The following DLX6 variants were observed in gnomAD, a reference collection of about 807,000 sequenced individuals.
The protein encoded by DLX6 is distal-less homeobox 6.
A neutral mutation model predicts 33.5 loss-of-function variants in DLX6; 4 were observed. That is an observed-to-expected ratio of 0.12 (90% CI 0.06 to 0.27). DLX6 has a LOEUF of 0.27. Ranked by LOEUF, DLX6 falls within the 10% of genes least tolerant of loss-of-function variation. The pLI is 1.00. For missense variants in DLX6, 382 were observed against 393.3 expected, an observed-to-expected ratio of 0.97 and a Z score of 0.24; for synonymous variants, 184 against 164.8, an observed-to-expected ratio of 1.12 and a Z score of -0.89.
At position 97,006,339 on chromosome 7, in the gene DLX6, A is replaced by T; in HGVS notation, c.362A>T (p.His121Leu). Residue 121 changes from histidine (H) to leucine (L), a missense_variant, in exon 1 of 3, where the codon CAC (histidine) becomes CTC (leucine). By Grantham distance (99) the His-to-Leu change is moderately conservative. Coordinates refer to ENST00000518156, the MANE Select transcript of DLX6 (RefSeq NM_005222.4). ...RSLAAYPYMSHSQHSPYLQSY... is the reference protein window; with the variant it reads ...RSLAAYPYMSLSQHSPYLQSY... ...CTCGCCGCCTACCCCTACATGAGCC[A>T]CTCGCAGCACAGCCCTTACCTCCAG... 2.0e-6 allele frequency: 3 copies of T among 1,508,002 alleles called. No homozygotes were observed. The highest frequency in any genetic ancestry group is 2.7e-6 in the Non-Finnish European group (3 of 1,124,632). 93.4% of individuals were successfully genotyped at this position (1,508,002 alleles called of 1,614,324 possible).
At position 97,007,741 on chromosome 7, in the gene DLX6, G is replaced by A; in HGVS notation, c.540G>A (p.Gln180=). 1.2e-6 allele frequency: 2 copies of A among 1,612,594 alleles called. No homozygotes were observed. The highest frequency in any genetic ancestry group is 1.7e-6 in the Non-Finnish European group (2 of 1,179,292). ...PRTIYSSLQL[Q]ALNHRFQQTQ... ...CCATTTATTCCAGCCTGCAGCTCCA[G>A]GCTTTAAACCATCGCTTTCAGCAGA... The change falls in exon 2 of 3, where the codon CAG becomes CAA. Residue 180 remains glutamine, a synonymous_variant. Coordinates refer to ENST00000518156, the MANE Select transcript of DLX6 (RefSeq NM_005222.4).
intron 2 of DLX6, 44 bp from the exon 3 acceptor site, chr7:97,009,751 CT>C: frequency 6.3e-7 from 1 of 1,592,204 alleles, no homozygotes; most frequent in East Asian, 2.3e-5. Context: ...GTTAGAGGCA[CT>C]GGTTTGATGT....
rs1789821971 is a variant in DLX6 at position 97,010,389 on chromosome 7, T to C, written c.*342T>C. 1 of 225,160 alleles carries C rather than the reference T, an allele frequency of 4.4e-6. No individual in the cohort carries two copies. The highest frequency in any genetic ancestry group is 5.1e-5 in the Admixed American group (1 of 19,494). The allele number at this position is 225,160 out of a possible 1,614,324, so 13.9% of individuals were successfully genotyped here. ...AGAGCATGTGTGAGAGAGAAACTGGTTTCTATGCCAGCACTCCTGAAACCC... is the reference window on the plus strand; with the variant it reads ...AGAGCATGTGTGAGAGAGAAACTGGCTTCTATGCCAGCACTCCTGAAACCC... On this transcript the variant is annotated 3_prime_UTR_variant, in exon 3 of 3. Coordinates refer to ENST00000518156, the MANE Select transcript of DLX6 (RefSeq NM_005222.4).
chr7:97,006,067 G>A lies in DLX6; in HGVS notation c.90G>A (p.Gln30=), dbSNP rs747165455. 11 of 1,577,862 alleles carry A rather than the reference G, an allele frequency of 7.0e-6. No individual in the cohort carries two copies. The South Asian group carries it at 9.3e-5, about 13-fold the overall frequency. ...TGGAGTTCGGGCAGCAGCAGCAGCA[G>A]CAGCAGCAACAGCAGCAGCAGCAGC... is the stretch of plus-strand genomic sequence containing the variant. ...AFMEFGQQQQ[Q]QQQQQQQQQQ... Residue 30 remains glutamine, a synonymous_variant, in exon 1 of 3, where the codon CAG becomes CAA. Transcript: ENST00000518156.
chr7:97,009,012 C>T (rs1236396242), intron 2 of DLX6, among the ~76,000 whole-genome samples: 5 of 152,192 alleles, frequency 3.3e-5, no homozygotes, highest in Admixed American at 6.5e-5. Flanking sequence ...GCTCCCATCC[C>T]AGATTCCCGA....
Position 97,009,955 on chromosome 7 carries a change from G to A in DLX6, c.790G>A (p.Val264Ile). Residue 264 changes from valine (V) to isoleucine (I), a missense_variant, in exon 3 of 3, where the codon GTC (valine) becomes ATC (isoleucine). Physicochemically the swap from Val to Ile is conservative, Grantham distance 29. Transcript: ENST00000518156. ...VWDVSASAKG[V>I]SMPPNSYMPG... Reference sequence around the variant, plus strand: ...GGACGTTTCTGCCTCGGCCAAGGGTGTCAGTATGCCCCCCAACAGCTACAT... The same window carrying A: ...GGACGTTTCTGCCTCGGCCAAGGGTATCAGTATGCCCCCCAACAGCTACAT... 1 of 1,613,744 alleles carries A rather than the reference G, an allele frequency of 6.2e-7. No homozygotes were observed. Among genetic ancestry groups the A allele is most frequent in the Non-Finnish European group, 8.5e-7 (1 of 1,179,778 alleles).
chr7:97,005,900 G>C lies in DLX6; in HGVS notation c.-78G>C, dbSNP rs1176993642. ...TCCAAAGAGCTAAGGTGGCTGCAGA[G>C]GGGAGAGCGGCGCGAGCCAAGTGGG... On this transcript the variant is annotated 5_prime_UTR_variant, in exon 1 of 3. Coordinates refer to ENST00000518156, the MANE Select transcript of DLX6 (RefSeq NM_005222.4). 7.5e-6 allele frequency: 9 copies of C among 1,202,918 alleles called. No homozygotes were observed. The African/African-American group carries it at 9.5e-5, about 13-fold the overall frequency. 74.5% of individuals were successfully genotyped at this position (1,202,918 alleles called of 1,614,324 possible).
Position 97,010,211 on chromosome 7 carries a change from TCTC to T in DLX6, c.*167_*169del. The T allele has an allele frequency of 1.2e-5, 8 of 673,638 alleles. No individual in the cohort carries two copies. In the South Asian group the frequency reaches 2.2e-4, roughly 19 times the overall value. The allele number at this position is 673,638 out of a possible 1,614,324, so 41.7% of individuals were successfully genotyped here. On this transcript the variant is annotated 3_prime_UTR_variant, in exon 3 of 3. Coordinates refer to ENST00000518156, the MANE Select transcript of DLX6 (RefSeq NM_005222.4). Reference sequence around the variant, plus strand: ...CTCTCTCCCTCTCTCTCTCTCTCCCTCTCCTTTCTTTTTACTTCTTCCTTTCCT... The same window carrying T: ...CTCTCTCCCTCTCTCTCTCTCTCCCTCTTTCTTTTTACTTCTTCCTTTCCT...
chr7:97,007,856 C>T (rs1317083675), intron 2 of DLX6, 25 bp downstream of exon 2: 10 of 1,549,730 alleles, frequency 6.5e-6, no homozygotes, highest in Non-Finnish European at 8.7e-6. Context: ...GCCCAAGTAT[C>T]CCTGAAATGC....
rs752893041 is a variant in DLX6 at position 97,006,283 on chromosome 7, G to C, written c.306G>C (p.Ser102=). Residue 102 remains serine, a synonymous_variant, in exon 1 of 3, where the codon TCG becomes TCC. Coordinates refer to ENST00000518156, the MANE Select transcript of DLX6 (RefSeq NM_005222.4). ...ACCACCACGGCTCGCCCTACGCGTC[G>C]GGCGGAGGGAACTCCTACAACCACC... ...QHHHHGSPYA[S]GGGNSYNHRS... 41 of 1,530,026 alleles carry C rather than the reference G, an allele frequency of 2.7e-5. No homozygotes were observed. Among genetic ancestry groups the C allele is most frequent in the Non-Finnish European group, 3.3e-5 (37 of 1,136,454 alleles). The allele number at this position is 1,530,026 out of a possible 1,614,324, so 94.8% of individuals were successfully genotyped here. A position where few individuals can be genotyped will look rare whatever the true frequency, so the allele number is the denominator to read the frequency against.
rs753838572 is a variant in DLX6, at chr7:97,005,843, C to CTTTTTT, written c.-116_-111dup. 3.1e-5 allele frequency: 7 copies of CTTTTTT among 226,668 alleles called. No individual in the cohort carries two copies. The highest frequency in any genetic ancestry group is 1.6e-4 in the East Asian group (2 of 12,458). The allele number at this position is 226,668 out of a possible 1,614,324, so 14.0% of individuals were successfully genotyped here. A position where few individuals can be genotyped will look rare whatever the true frequency, so the allele number is the denominator to read the frequency against. ...CCACCTCCACCCCCCTCTTTAAATT[C>CTTTTTT]TTTTTTTTTTTTTTTTTTTTTTTTG... On this transcript the variant is annotated 5_prime_UTR_variant, in exon 1 of 3. Transcript: ENST00000518156.
At position 97,007,390 on chromosome 7, in the gene DLX6, T is replaced by A. The variant is rs547977235; in HGVS notation, c.437-248T>A. On this transcript the variant is annotated intron_variant, in intron 1 of 2. Transcript: ENST00000518156. ...GCTGCGGCAAAGCGGGCTGTTTGTC[T>A]GAGGGCCTCTGGCGCTCCCTTGGCC... 4 of 600,716 alleles carry A rather than the reference T, an allele frequency of 6.7e-6. No homozygotes were observed. The Admixed American group carries it at 1.2e-4, about 18-fold the overall frequency. The allele number at this position is 600,716 out of a possible 1,614,324, so 37.2% of individuals were successfully genotyped here. A position where few individuals can be genotyped will look rare whatever the true frequency, so the allele number is the denominator to read the frequency against.
chr7:97,007,203 G>GT, intron 1 of DLX6: 2 of 388,248 alleles, frequency 5.2e-6, no homozygotes, highest in Non-Finnish European at 9.3e-6. Flanking sequence ...TTGATGCACT[G>GT]AGCTTGGAGC....
Position 97,009,909 on chromosome 7 carries a change from G to T in DLX6, c.744G>T (p.Ser248=). 1 of 1,613,936 alleles carries T rather than the reference G, an allele frequency of 6.2e-7. No individual in the cohort carries two copies. The highest frequency in any genetic ancestry group is 8.5e-7 in the Non-Finnish European group (1 of 1,179,860). Residue 248 remains serine (S), a synonymous_variant, in exon 3 of 3, where the codon TCG becomes TCT. Transcript: ENST00000518156. ...LQGSAALSPR[S]PALPPVWDVS... ...GCTCGGCGGCCCTGTCGCCACGCTC[G>T]CCAGCGCTGCCTCCAGTCTGGGACG...
chr7:97,009,576 T>G (rs1471871810), intron 2 of DLX6, among the ~76,000 whole-genome samples: 1 of 152,176 alleles, frequency 6.6e-6, no homozygotes, highest in Non-Finnish European at 1.5e-5. Context: ...TACAATAACT[T>G]TAGGTATCCA....
At chr7:97,006,543 C>G in intron 1 of DLX6, 130 bp downstream of exon 1, 2 of 1,026,570 alleles carry the variant, frequency 1.9e-6, no homozygotes, top group Non-Finnish European at 2.5e-6. Context: ...CGCCCTTGGC[C>G]GGGCCCCGTG....
chr7:97,007,096 C>T lies in DLX6; in HGVS notation c.437-542C>T, dbSNP rs145953191. 143 of 170,230 alleles carry T rather than the reference C, an allele frequency of 8.4e-4. 2 individuals are homozygous for T. The East Asian group carries it at 0.018, about 21-fold the overall frequency. 10.5% of individuals were successfully genotyped at this position (170,230 alleles called of 1,614,324 possible). ...AGGGGGACAAAGTTGCCGTGAGAGG[C>T]GCAGCCTGCTCGTGGGCTGGTCTGA... is the stretch of plus-strand genomic sequence containing the variant. On this transcript the variant is annotated intron_variant, in intron 1 of 2. Coordinates refer to ENST00000518156, the MANE Select transcript of DLX6 (RefSeq NM_005222.4).
Position 97,007,287 on chromosome 7 carries a change from G to A in DLX6, c.437-351G>A. On this transcript the variant is annotated intron_variant, in intron 1 of 2. Coordinates refer to ENST00000518156, the MANE Select transcript of DLX6 (RefSeq NM_005222.4). ...ACAGCTTCAGGTACTGTTAAGCCGG[G>A]CACAGGGGCCCCGCTCCGCCCGGAC... The A allele has an allele frequency of 7.0e-6, 4 of 573,742 alleles. No individual in the cohort carries two copies. In the South Asian group the frequency reaches 8.7e-5, roughly 13 times the overall value. 35.5% of individuals were successfully genotyped at this position (573,742 alleles called of 1,614,324 possible). A position where few individuals can be genotyped will look rare whatever the true frequency, so the allele number is the denominator to read the frequency against.
Position 97,010,183 on chromosome 7 carries a change from A to C in DLX6, c.*136A>C, listed in dbSNP as rs368276391. On this transcript the variant is annotated 3_prime_UTR_variant, in exon 3 of 3. Transcript: ENST00000518156. ...GTGTGGCAAGAAGCCGACTAGGCTC[A>C]TTCTCTCTCCCTCTCTCTCTCTCTC... 7 of 982,378 alleles carry C rather than the reference A, an allele frequency of 7.1e-6. No individual in the cohort carries two copies. In the African/African-American group the frequency reaches 1.0e-4, roughly 14 times the overall value. The allele number at this position is 982,378 out of a possible 1,614,324, so 60.9% of individuals were successfully genotyped here. A position where few individuals can be genotyped will look rare whatever the true frequency, so the allele number is the denominator to read the frequency against.
Sources: gnomAD v4.1 joint callset for allele counts (sites outside exome capture counted in the v4.1 genomes callset) on GRCh38, gnomAD v4.1.1 for gene constraint, MANE v1.5 for transcripts, NCBI Gene and HGNC (gene_info 2026-07-23, HGNC 2026-07-21) for gene names.